The following TMEM132D variants were observed in gnomAD, a reference collection of about 807,000 sequenced individuals.
The protein encoded by TMEM132D is transmembrane protein 132D, also known as mature OL transmembrane protein.
A neutral mutation model predicts 62.3 loss-of-function variants in TMEM132D; 21 were observed. The observed-to-expected ratio is 0.34, with a 90% CI of 0.24 to 0.49. The LOEUF is 0.49. Ranked by LOEUF, TMEM132D falls within the 20% of genes least tolerant of loss-of-function variation. The pLI is 0.99. For synonymous variants in TMEM132D, 621 were observed against 575.6 expected (o/e 1.08, Z -1.13); for missense variants, 1,346 against 1,402.8 (o/e 0.96, Z 0.65).
At chr12:129,842,382 C>T (rs560028743) in intron 1 of TMEM132D, among the ~76,000 whole-genome samples, 1 of 152,060 alleles carries the variant, frequency 6.6e-6, no homozygotes, top group Non-Finnish European at 1.5e-5. Context: ...AGGACTGGGT[C>T]GTTCTGTGAA....
intron 3 of TMEM132D, among the ~76,000 whole-genome samples, chr12:129,409,387 C>G (rs1871895458): frequency 6.6e-6 from 1 of 152,202 alleles, no homozygotes; most frequent in South Asian, 2.1e-4. Context: ...TATACACACA[C>G]ACACATGCAC....
intron 4 of TMEM132D, among the ~76,000 whole-genome samples, chr12:129,256,937 T>C (rs1176805854): frequency 6.6e-6 from 1 of 152,132 alleles, no homozygotes; most frequent in Non-Finnish European, 1.5e-5. Context: ...AAAAAAGCAA[T>C]TTCTTGAGCA....
At chr12:129,447,763 G>A (rs925939638) in intron 3 of TMEM132D, among the ~76,000 whole-genome samples, 14 of 152,098 alleles carry the variant, frequency 9.2e-5, no homozygotes, top group Middle Eastern at 3.2e-3. Context: ...CGGTCCTTCC[G>A]CAAACCAGAG....
intron 2 of TMEM132D, among the ~76,000 whole-genome samples, chr12:129,691,330 T>G (rs1332155023): frequency 1.3e-5 from 2 of 151,278 alleles, no homozygotes; most frequent in Admixed American, 6.6e-5. Flanking sequence ...ATTATACAAA[T>G]TAGAGAAAAA....
intron 1 of TMEM132D, among the ~76,000 whole-genome samples, chr12:129,834,272 G>A (rs1368952080): frequency 6.6e-6 from 1 of 152,036 alleles, no homozygotes; most frequent in South Asian, 2.1e-4. Flanking sequence ...CTAGGGGCTT[G>A]TTTTGAAACA....
intron 2 of TMEM132D, chr12:129,698,270 A>T (rs1045954139): frequency 6.6e-6 from 1 of 151,648 alleles, no homozygotes; most frequent in African/African-American, 2.4e-5. Context: ...GCCAGCGCAG[A>T]TGTGTTCCTG....
chr12:129,084,616 G>A lies in TMEM132D; in HGVS notation c.1530C>T (p.His510=), dbSNP rs1467455333. 6.2e-7 allele frequency: 1 copy of A among 1,614,136 alleles called. No homozygotes were observed. Among genetic ancestry groups the A allele is most frequent in the Non-Finnish European group, 8.5e-7 (1 of 1,180,014 alleles). ...CCGTCATCTCCAGGGGGCTGCTCAG[G>A]TGCTGGTAGGTGAAGTTCACCACCA... ...VNVVVNFTYQ[H]LSSPLEMTVW... is the part of the protein sequence containing the mutation. Residue 510 remains histidine, a synonymous_variant, in exon 6 of 9, where the codon CAC becomes CAT. Coordinates refer to ENST00000422113, the MANE Select transcript of TMEM132D (RefSeq NM_133448.3).
At chr12:129,753,877 T>A (rs924075150) in intron 1 of TMEM132D, among the ~76,000 whole-genome samples, 6 of 152,230 alleles carry the variant, frequency 3.9e-5, no homozygotes, top group Non-Finnish European at 8.8e-5. Context: ...ATCTTTGTCA[T>A]AACCTTTCGC....
intron 3 of TMEM132D, among the ~76,000 whole-genome samples, chr12:129,414,311 A>T (rs1011226846): frequency 1.3e-5 from 2 of 152,224 alleles, no homozygotes; most frequent in Non-Finnish European, 2.9e-5. Context: ...AGATGCATTC[A>T]ATAACTATAC....
chr12:129,577,397 T>C lies in TMEM132D; in HGVS notation c.969-46192A>G, dbSNP rs553442562. Among the ~76,000 whole-genome samples, 20 of 148,552 alleles carry C rather than the reference T, an allele frequency of 1.3e-4. 1 individual carries two copies. In the South Asian group the frequency reaches 4.0e-3, roughly 30 times the overall value. On this transcript the variant is annotated intron_variant, in intron 2 of 8. Coordinates refer to ENST00000422113, the MANE Select transcript of TMEM132D (RefSeq NM_133448.3). ...TTTTTCTAGAGAACCTTGAAATACA[T>C]ACAATTATATATATATAATTATATA...
chr12:129,718,514 CG>C lies in TMEM132D; in HGVS notation c.80-17817del, dbSNP rs1868679314. ...TTATTCTTTCTGATGTAGCTTCACA[CG>C]TTTATATTTTGGTCTTTTTGGAAAT... On this transcript the variant is annotated intron_variant, in intron 1 of 8. Transcript: ENST00000422113. Among the ~76,000 whole-genome samples the C allele has an allele frequency of 3.3e-5, 5 of 152,160 alleles. No homozygotes were observed. The South Asian group carries it at 1.0e-3, about 31-fold the overall frequency.
intron 5 of TMEM132D, among the ~76,000 whole-genome samples, chr12:129,147,598 C>T (rs1390236920): frequency 6.6e-6 from 1 of 152,136 alleles, no homozygotes; most frequent in Admixed American, 6.6e-5. Context: ...GTACAAGACC[C>T]AGCCTTGGAT....
intron 2 of TMEM132D, among the ~76,000 whole-genome samples, chr12:129,687,783 C>G (rs1880968252): frequency 6.6e-6 from 1 of 152,092 alleles, no homozygotes; most frequent in Non-Finnish European, 1.5e-5. Context: ...TTCTTCCCAG[C>G]CTTTCTACTC....
intron 3 of TMEM132D, among the ~76,000 whole-genome samples, chr12:129,475,771 T>C (rs984253905): frequency 2.6e-5 from 4 of 152,238 alleles, no homozygotes; most frequent in African/African-American, 4.8e-5. Flanking sequence ...GTGAAGGGTC[T>C]GCACCGTGTA....
rs571062992 is a variant in TMEM132D at position 129,184,663 on chromosome 12, T to C, written c.1443+24857A>G. 2.0e-5 allele frequency among the ~76,000 whole-genome samples: 3 copies of C among 152,340 alleles called. No homozygotes were observed. In the South Asian group the frequency reaches 6.2e-4, roughly 32 times the overall value. ...ACAATCCACTCTCAGAAGATACAAC[T>C]TGCGCTCTGGCGCCTGCGGCTGTTT... On this transcript the variant is annotated intron_variant, in intron 5 of 8. Transcript: ENST00000422113.
At position 129,397,057 on chromosome 12, in the gene TMEM132D, C is replaced by T. The variant is rs539026640; in HGVS notation, c.1116-59240G>A. Among the ~76,000 whole-genome samples the T allele has an allele frequency of 2.0e-5, 3 of 152,254 alleles. No individual in the cohort carries two copies. In the East Asian group the frequency reaches 5.8e-4, roughly 29 times the overall value. Reference sequence around the variant, plus strand: ...GAATCTATTTAATATCTCATATCTTCTCCTAAGTCCCGAGCAGAAAAATAA... The same window carrying T: ...GAATCTATTTAATATCTCATATCTTTTCCTAAGTCCCGAGCAGAAAAATAA... On this transcript the variant is annotated intron_variant, in intron 3 of 8. Transcript: ENST00000422113.
At chr12:129,190,029 C>T (rs1365298629) in intron 5 of TMEM132D, among the ~76,000 whole-genome samples, 2 of 151,818 alleles carry the variant, frequency 1.3e-5, no homozygotes, top group Non-Finnish European at 2.9e-5. Flanking sequence ...AGATGCAACA[C>T]GGCTGGCGCT....
intron 2 of TMEM132D, among the ~76,000 whole-genome samples, chr12:129,630,097 ACCTC>A (rs1879316318): frequency 6.6e-6 from 1 of 152,126 alleles, no homozygotes; most frequent in Non-Finnish European, 1.5e-5. Context: ...CTTGCACATG[ACCTC>A]CACATGTAGA....
At chr12:129,757,312 A>G (rs1870199975) in intron 1 of TMEM132D, among the ~76,000 whole-genome samples, 1 of 152,152 alleles carries the variant, frequency 6.6e-6, no homozygotes, top group Admixed American at 6.5e-5. Context: ...ATAACCCATT[A>G]TGAGATGTCT....
Sources: allele counts gnomAD v4.1 joint callset (sites outside exome capture counted in the v4.1 genomes callset), GRCh38; gene constraint gnomAD v4.1.1; transcripts MANE v1.5; gene names NCBI Gene and HGNC (gene_info 2026-07-23, HGNC 2026-07-21).